Variants in MAD1L1 observed in about 807,000 individuals in gnomAD.
MAD1L1 encodes the protein mitotic arrest deficient 1 like 1.
In MAD1L1, 95 loss-of-function variants were observed where a neutral mutation model predicts 96.9. That is an observed-to-expected ratio of 0.98 (90% CI 0.83 to 1.16). The LOEUF is 1.16. Ranked by LOEUF, MAD1L1 falls within the 50% of genes most tolerant of loss-of-function variation. The pLI is 0.00. For synonymous variants in MAD1L1, 473 were observed against 396.6 expected (o/e 1.19, Z -2.29); for missense variants, 1,007 against 954.4 (o/e 1.06, Z -0.73).
intron 10 of MAD1L1, among the ~76,000 whole-genome samples, chr7:2,152,985 G>T (rs1342645445): frequency 6.6e-6 from 1 of 152,160 alleles, no homozygotes; most frequent in Non-Finnish European, 1.5e-5. Flanking sequence ...TATACCCTTT[G>T]TTCGGCAGTG....
chr7:1,819,165 G>A (rs1267484515), intron 18 of MAD1L1, among the ~76,000 whole-genome samples: 4 of 152,138 alleles, frequency 2.6e-5, no homozygotes, highest in African/African-American at 9.7e-5. Context: ...CAGGTACCTC[G>A]TAAATCACTG....
At chr7:2,219,512 G>A in intron 5 of MAD1L1, 56 bp from the exon 6 acceptor site, 1 of 1,587,742 alleles carries the variant, frequency 6.3e-7, no homozygotes, top group East Asian at 2.2e-5. Context: ...TGCGTGGAAG[G>A]AGCCTGCACA....
chr7:2,078,404 C>T (rs535950880), intron 11 of MAD1L1, among the ~76,000 whole-genome samples: 1 of 152,318 alleles, frequency 6.6e-6, no homozygotes, highest in South Asian at 2.1e-4. Context: ...CGCGTGCGTC[C>T]GTCGTGAAGC....
At chr7:2,080,897 G>C (rs1236722726) in intron 11 of MAD1L1, among the ~76,000 whole-genome samples, 5 of 152,214 alleles carry the variant, frequency 3.3e-5, no homozygotes, top group Non-Finnish European at 7.3e-5. Context: ...CAGGGGACCT[G>C]GCTCACAGGC....
intron 15 of MAD1L1, among the ~76,000 whole-genome samples, chr7:1,958,189 G>A (rs1369723069): frequency 6.6e-6 from 1 of 152,148 alleles, no homozygotes; most frequent in Non-Finnish European, 1.5e-5. Flanking sequence ...CTGATGACAG[G>A]GGACCACAGA....
chr7:1,958,321 T>G (rs1562562198), intron 15 of MAD1L1, among the ~76,000 whole-genome samples: 1 of 152,178 alleles, frequency 6.6e-6, no homozygotes, highest in Non-Finnish European at 1.5e-5. Context: ...GGGGCCAGTT[T>G]TAGTTCACTG....
chr7:1,819,389 C>T (rs887515298), intron 18 of MAD1L1, among the ~76,000 whole-genome samples: 2 of 152,104 alleles, frequency 1.3e-5, no homozygotes, highest in Non-Finnish European at 2.9e-5. Flanking sequence ...GAGACTGAGA[C>T]ACTCACTCTT....
At chr7:2,205,748 C>G (rs887492626) in intron 10 of MAD1L1, among the ~76,000 whole-genome samples, 1 of 152,248 alleles carries the variant, frequency 6.6e-6, no homozygotes, top group Non-Finnish European at 1.5e-5. Context: ...TGGGCGATTA[C>G]AGTCTTAATT....
intron 11 of MAD1L1, among the ~76,000 whole-genome samples, chr7:2,132,767 T>TAC (rs1788578689): frequency 6.6e-6 from 1 of 152,248 alleles, no homozygotes; most frequent in Admixed American, 6.5e-5. Context: ...TGAATGGACA[T>TAC]ACCATCTTTT....
intron 11 of MAD1L1, among the ~76,000 whole-genome samples, chr7:2,145,608 T>C (rs922116216): frequency 1.2e-4 from 18 of 152,200 alleles, no homozygotes; most frequent in African/African-American, 4.3e-4. Context: ...GGTGTCATTT[T>C]CTCTTCCTCA....
chr7:2,044,622 C>A (rs1783839281), intron 12 of MAD1L1, among the ~76,000 whole-genome samples: 1 of 152,074 alleles, frequency 6.6e-6, no homozygotes, highest in Non-Finnish European at 1.5e-5. Flanking sequence ...CACATGAAGT[C>A]CCCAGGCGAT....
intron 11 of MAD1L1, among the ~76,000 whole-genome samples, chr7:2,125,593 G>T (rs1391408017): frequency 6.6e-6 from 1 of 152,186 alleles, no homozygotes; most frequent in African/African-American, 2.4e-5. Flanking sequence ...CCCCCACCAG[G>T]TGAGGCAGCA....
chr7:2,020,091 G>A (rs1357576077), intron 12 of MAD1L1, among the ~76,000 whole-genome samples: 2 of 152,256 alleles, frequency 1.3e-5, no homozygotes, highest in Non-Finnish European at 2.9e-5. Context: ...TGTTGTGGCT[G>A]CCCTGTCGCT....
chr7:1,906,151 T>G (rs1185002284), intron 17 of MAD1L1, among the ~76,000 whole-genome samples: 1 of 151,644 alleles, frequency 6.6e-6, no homozygotes, highest in African/African-American at 2.4e-5. Flanking sequence ...CCTGCACAGC[T>G]GAGGCAGCTG....
chr7:2,180,001 G>C (rs1196201386), intron 10 of MAD1L1, among the ~76,000 whole-genome samples: 1 of 151,732 alleles, frequency 6.6e-6, no homozygotes, highest in African/African-American at 2.4e-5. Context: ...AAGAAAGAAA[G>C]TCCTGTCTTG....
chr7:2,014,441 C>A, intron 13 of MAD1L1, 61 bp downstream of exon 13: 1 of 1,507,702 alleles, frequency 6.6e-7, no homozygotes, highest in Non-Finnish European at 8.9e-7. Flanking sequence ...CAGGCTCTGC[C>A]AAGGCCCACC....
intron 14 of MAD1L1, among the ~76,000 whole-genome samples, chr7:1,994,254 C>T (rs1584021521): frequency 1.3e-5 from 2 of 152,134 alleles, no homozygotes; most frequent in Non-Finnish European, 2.9e-5. Context: ...ACGATGGTGG[C>T]GGTGATGGTG....
At chr7:1,971,971 C>T (rs540340890) in intron 15 of MAD1L1, among the ~76,000 whole-genome samples, 11 of 152,290 alleles carry the variant, frequency 7.2e-5, no homozygotes, top group Non-Finnish European at 1.6e-4. Flanking sequence ...TTGTGGGAAA[C>T]GTACAAGGAG....
chr7:1,866,506 G>A (rs917661872), intron 18 of MAD1L1, among the ~76,000 whole-genome samples: 1 of 152,206 alleles, frequency 6.6e-6, no homozygotes. Flanking sequence ...CAGTCTCTGG[G>A]GCAGAGACAC....
Sources: gnomAD v4.1 joint callset for allele counts (sites outside exome capture counted in the v4.1 genomes callset) on GRCh38, gnomAD v4.1.1 for gene constraint, MANE v1.5 for transcripts, NCBI Gene and HGNC (gene_info 2026-07-23, HGNC 2026-07-21) for gene names.